Variants in AKT3 observed in about 807,000 individuals in gnomAD.
AKT3 encodes AKT serine/threonine kinase 3, also known as RAC-gamma serine/threonine-protein kinase.
A neutral mutation model predicts 65.3 loss-of-function variants in AKT3; 15 were observed. That is an observed-to-expected ratio of 0.23 (90% CI 0.15 to 0.35). The LOEUF is 0.35. AKT3 is among the 10% of genes least tolerant of loss of function. The pLI is 1.00. For missense variants in AKT3, 243 were observed against 576.5 expected, an observed-to-expected ratio of 0.42 and a Z score of 5.92; for synonymous variants, 206 against 183.8, an observed-to-expected ratio of 1.12 and a Z score of -0.98.
chr1:243,771,930 A>C (rs527879657), intron 2 of AKT3, among the ~76,000 whole-genome samples: 8 of 152,296 alleles, frequency 5.3e-5, no homozygotes, highest in Admixed American at 2.6e-4. Flanking sequence ...CAAAAACAAG[A>C]AATGGGGAAA....
intron 3 of AKT3, among the ~76,000 whole-genome samples, chr1:243,670,814 CTTACT>C (rs1683107261): frequency 6.6e-6 from 1 of 152,064 alleles, no homozygotes; most frequent in African/African-American, 2.4e-5. Context: ...AAATGTTCTG[CTTACT>C]TTACACCATT....
intron 8 of AKT3, among the ~76,000 whole-genome samples, chr1:243,594,994 C>T (rs1326957371): frequency 1.3e-5 from 2 of 152,164 alleles, no homozygotes; most frequent in Admixed American, 1.3e-4. Context: ...GGATCACAGA[C>T]CTATACATGT....
intron 2 of AKT3, among the ~76,000 whole-genome samples, chr1:243,713,673 A>G (rs1024008445): frequency 7.4e-5 from 11 of 148,836 alleles, no homozygotes; most frequent in Non-Finnish European, 1.3e-4. Context: ...AAACAGACAC[A>G]ATAATAACTT....
intron 7 of AKT3, among the ~76,000 whole-genome samples, chr1:243,614,432 A>G (rs1226534790): frequency 6.6e-6 from 1 of 152,166 alleles, no homozygotes; most frequent in Non-Finnish European, 1.5e-5. Flanking sequence ...CCAAGAAAAT[A>G]CAGAAACTTT....
intron 2 of AKT3, among the ~76,000 whole-genome samples, chr1:243,828,420 C>G (rs1276153704): frequency 6.6e-6 from 1 of 152,128 alleles, no homozygotes. Context: ...CCATTACACT[C>G]AAATGACATA....
At chr1:243,687,399 C>G (rs1364505733) in intron 3 of AKT3, 1 of 152,130 alleles carries the variant, frequency 6.6e-6, no homozygotes, top group Non-Finnish European at 1.5e-5. Flanking sequence ...GAAATCTGAT[C>G]AGATCACCTG....
At chr1:243,803,644 G>GAA (rs1558825840) in intron 2 of AKT3, among the ~76,000 whole-genome samples, 2 of 87,838 alleles carry the variant, frequency 2.3e-5, no homozygotes, top group African/African-American at 8.8e-5. Flanking sequence ...AGACGTACAT[G>GAA]TACACACACA....
At chr1:243,654,062 C>T (rs1681576761) in intron 4 of AKT3, among the ~76,000 whole-genome samples, 1 of 152,060 alleles carries the variant, frequency 6.6e-6, no homozygotes, top group Non-Finnish European at 1.5e-5. Flanking sequence ...ACATGGTCCA[C>T]TTATGTAATA....
chr1:243,543,782 A>G (rs114336409), intron 12 of AKT3, among the ~76,000 whole-genome samples: 2,033 of 152,368 alleles, frequency 0.013, 50 homozygotes, highest in African/African-American at 0.048. Flanking sequence ...AGGATTCAGT[A>G]CTTAACATGG....
chr1:243,816,137 A>T (rs1693506012), intron 2 of AKT3, among the ~76,000 whole-genome samples: 1 of 152,132 alleles, frequency 6.6e-6, no homozygotes, highest in African/African-American at 2.4e-5. Flanking sequence ...GGAAAAGTTC[A>T]TGATAGTTTT....
chr1:243,594,948 C>T (rs1676494380), intron 8 of AKT3, among the ~76,000 whole-genome samples: 1 of 152,088 alleles, frequency 6.6e-6, no homozygotes, highest in African/African-American at 2.4e-5. Context: ...AAATGAACCT[C>T]AACTCTTAGC....
chr1:243,565,370 C>A (rs969682234), intron 9 of AKT3, among the ~76,000 whole-genome samples: 2 of 152,126 alleles, frequency 1.3e-5, no homozygotes, highest in Non-Finnish European at 2.9e-5. Flanking sequence ...AACACGGGCA[C>A]GTGCCACCAT....
intron 8 of AKT3, among the ~76,000 whole-genome samples, chr1:243,586,303 A>G (rs574451061): frequency 6.6e-6 from 1 of 152,220 alleles, no homozygotes; most frequent in East Asian, 1.9e-4. Flanking sequence ...GTGGGAATGT[A>G]CATTAATTCA....
chr1:243,538,430 C>A (rs923236954), intron 12 of AKT3, among the ~76,000 whole-genome samples: 3 of 150,866 alleles, frequency 2.0e-5, no homozygotes, highest in African/African-American at 7.3e-5. Context: ...TATATTTAAA[C>A]CCAAGTATGT....
intron 3 of AKT3, among the ~76,000 whole-genome samples, chr1:243,695,040 T>G (rs116468219): frequency 1.3e-5 from 2 of 152,102 alleles, no homozygotes; most frequent in Admixed American, 1.3e-4. Flanking sequence ...TTATCATCAT[T>G]GTCATCTTTC....
rs199934849 is a variant in AKT3, at chr1:243,500,642, G to GACA, written c.*4606_*4607insTGT. On this transcript the variant is annotated 3_prime_UTR_variant, in exon 14 of 14. Transcript: ENST00000673466. ...CTAAAGGCAAGGCTGCAGTTAGTTA[G>GACA]GACAGGTCCCTGACCTTCGGCTGCC... 3 of 230,128 alleles carry GACA rather than the reference G, an allele frequency of 1.3e-5. No homozygotes were observed. Among genetic ancestry groups the GACA allele is most frequent in the African/African-American group, 6.6e-5 (3 of 45,144 alleles). 14.3% of individuals were successfully genotyped at this position (230,128 alleles called of 1,614,324 possible).
At chr1:243,826,159 T>C (rs141533680) in intron 2 of AKT3, among the ~76,000 whole-genome samples, 1 of 151,966 alleles carries the variant, frequency 6.6e-6, no homozygotes, top group Non-Finnish European at 1.5e-5. Context: ...GAAAGGAGCA[T>C]AAACCTAGTA....
upstream of AKT3, among the ~76,000 whole-genome samples, chr1:243,850,731 C>T (rs938387271): frequency 5.3e-5 from 8 of 151,926 alleles, no homozygotes; most frequent in African/African-American, 1.9e-4. Context: ...CTGCCCGGCC[C>T]TCGTCCTCAG....
chr1:243,680,040 T>C (rs1558712452), intron 3 of AKT3, among the ~76,000 whole-genome samples: 2 of 152,214 alleles, frequency 1.3e-5, no homozygotes, highest in East Asian at 1.9e-4. Context: ...ACAGAAACTT[T>C]ATCAGTGTGC....
Sources: allele counts gnomAD v4.1 joint callset (sites outside exome capture counted in the v4.1 genomes callset), GRCh38; gene constraint gnomAD v4.1.1; transcripts MANE v1.5; gene names NCBI Gene and HGNC (gene_info 2026-07-23, HGNC 2026-07-21).